The following SPTBN4 variants were observed in gnomAD, a reference collection of about 807,000 sequenced individuals.
SPTBN4 encodes spectrin beta chain, non-erythrocytic 4.
A neutral mutation model predicts 277.8 loss-of-function variants in SPTBN4; 96 were observed. The ratio of observed to expected loss-of-function variants is 0.35; its 90% CI spans 0.29 to 0.41. The LOEUF is 0.41. Ranked by LOEUF, SPTBN4 falls within the 10% of genes least tolerant of loss-of-function variation. SPTBN4 has a pLI of 1.00. For synonymous variants in SPTBN4, 1,481 were observed against 1,580.3 expected, an observed-to-expected ratio of 0.94 and a Z score of 1.49; for missense variants, 3,006 against 3,595.7, an observed-to-expected ratio of 0.84 and a Z score of 4.19.
In SPTBN4 at chr19:40,560,753, G is replaced by A; in HGVS notation, c.5915+350G>A. On this transcript the variant is annotated intron_variant, in intron 27 of 35. Coordinates refer to ENST00000598249, the MANE Select transcript of SPTBN4 (RefSeq NM_020971.3). The surrounding 1 kb of genome is among the most constrained non-coding windows in gnomAD (Gnocchi z 5.2). Reference sequence around the variant, plus strand: ...TGGGTGAAGAATTCTAACAATTCCAGCATCTCAGTGGCTTCATTAGTGGGC... The same window carrying A: ...TGGGTGAAGAATTCTAACAATTCCAACATCTCAGTGGCTTCATTAGTGGGC... The A allele has an allele frequency of 7.6e-7, 1 of 1,318,876 alleles. No homozygotes were observed. The highest frequency in any genetic ancestry group is 9.7e-7 in the Non-Finnish European group (1 of 1,032,224). The allele number at this position is 1,318,876 out of a possible 1,614,324, so 81.7% of individuals were successfully genotyped here.
intron 6 of SPTBN4, 108 bp from the exon 7 acceptor site, chr19:40,497,381 C>T (rs531918185): frequency 2.9e-5 from 23 of 786,040 alleles, no homozygotes; most frequent in South Asian, 2.4e-4. Context: ...AGACTGTGCC[C>T]TTCTGCCCAT....
intron 20 of SPTBN4, among the ~76,000 whole-genome samples, chr19:40,542,692 C>T (rs1383618152): frequency 2.0e-5 from 3 of 151,690 alleles, no homozygotes; most frequent in Non-Finnish European, 4.4e-5. Flanking sequence ...TTTTTGTATC[C>T]AGCTCAGCAT....
intron 20 of SPTBN4, among the ~76,000 whole-genome samples, chr19:40,541,919 T>G (rs1165860): frequency 0.44 from 66,129 of 150,464 alleles, 15,190 homozygotes; most frequent in African/African-American, 0.49. Context: ...TTGTATTTTT[T>G]TATTTTTATT....
chr19:40,478,349 G>A (rs992453777), intron 2 of SPTBN4, among the ~76,000 whole-genome samples: 17 of 151,922 alleles, frequency 1.1e-4, no homozygotes, highest in Non-Finnish European at 1.3e-4. Context: ...TCCAGTTTGG[G>A]CAACAAAGCA....
chr19:40,516,537 G>A (rs1343071616), intron 15 of SPTBN4, among the ~76,000 whole-genome samples: 1 of 151,970 alleles, frequency 6.6e-6, no homozygotes, highest in African/African-American at 2.4e-5. Context: ...ACAACTCCTG[G>A]GCTCGGCTGG....
At position 40,572,153 on chromosome 19, in the gene SPTBN4, C is replaced by A; in HGVS notation, c.7454C>A (p.Ala2485Asp). The A allele has an allele frequency of 6.2e-7, 1 of 1,607,590 alleles. No homozygotes were observed. The highest frequency in any genetic ancestry group is 1.7e-5 in the Admixed American group (1 of 58,928). ...LSLHKATSEVASDYKKKKHVF... is the reference protein window; with the variant it reads ...LSLHKATSEVDSDYKKKKHVF... Reference sequence around the variant, plus strand: ...CTGCACAAGGCCACCAGCGAGGTGGCTAGTGACTACAAGAAAAAGAAGCAT... The same window carrying A: ...CTGCACAAGGCCACCAGCGAGGTGGATAGTGACTACAAGAAAAAGAAGCAT... Residue 2485 changes from alanine to aspartate, a missense_variant, in exon 34 of 36, where the codon GCT (alanine) becomes GAT (aspartate). Around this residue, in one of 5 missense-constraint regions of SPTBN4, gnomAD observed 630 missense variants for 677.6 expected, o/e 0.93. Transcript: ENST00000598249.
intron 18 of SPTBN4, chr19:40,530,584 G>A (rs111741904): frequency 0.5 from 494,342 of 979,602 alleles, 126,910 homozygotes; most frequent in Non-Finnish European, 0.52. Flanking sequence ...CGCCACTGCC[G>A]CTTCAGGTCT....
intron 2 of SPTBN4, among the ~76,000 whole-genome samples, chr19:40,484,744 G>A (rs761198735): frequency 4.0e-5 from 6 of 151,680 alleles, no homozygotes; most frequent in Non-Finnish European, 7.4e-5. Context: ...TGGCTAACAT[G>A]GTGAAACCCC....
chr19:40,529,254 A>C, intron 18 of SPTBN4, 123 bp downstream of exon 18: 1 of 921,094 alleles, frequency 1.1e-6, no homozygotes, highest in Non-Finnish European at 1.7e-6. Context: ...GCTCGCTCTA[A>C]GCCGCCAGGG....
Position 40,554,528 on chromosome 19 carries a change from A to T in SPTBN4, c.4966A>T (p.Thr1656Ser). The change falls in exon 24 of 36, where the codon ACC becomes TCC. Residue 1656 changes from threonine (T) to serine (S), a missense_variant. Coordinates refer to ENST00000598249, the MANE Select transcript of SPTBN4 (RefSeq NM_020971.3). This position sits in a 1 kb window ranked among gnomAD's most constrained non-coding sequence, Gnocchi z 5.7. ...TTTGTGCCCCCAGGACGAACAGAGC[A>T]CCCTGCAGCTGCTCAAGAAACACCT... The part of the protein sequence containing the change: ...SEDKGKDEQS[T>S]LQLLKKHLQL... The T allele has an allele frequency of 6.7e-7, 1 of 1,481,720 alleles. No homozygotes were observed. The highest frequency in any genetic ancestry group is 9.0e-7 in the Non-Finnish European group (1 of 1,112,246). 91.8% of individuals were successfully genotyped at this position (1,481,720 alleles called of 1,614,324 possible).
rs1205030272 is a variant in SPTBN4 at position 40,529,969 on chromosome 19, C to G, written c.3948+838C>G. 8.5e-5 allele frequency among the ~76,000 whole-genome samples: 13 copies of G among 152,124 alleles called. No homozygotes were observed. In the South Asian group the frequency reaches 1.9e-3, roughly 22 times the overall value. On this transcript the variant is annotated intron_variant, in intron 18 of 35. Coordinates refer to ENST00000598249, the MANE Select transcript of SPTBN4 (RefSeq NM_020971.3). ...TGTTGAACACCCATGGGAGATTGTT[C>G]TCTCCGCACACGGAATAAACAAGGG... is the stretch of plus-strand genomic sequence containing the variant.
At position 40,512,827 on chromosome 19, in the gene SPTBN4, G is replaced by A; in HGVS notation, c.2038G>A (p.Gly680Ser). Residue 680 changes from glycine (G) to serine (S), a missense_variant, in exon 14 of 36, where the codon GGC (glycine) becomes AGC (serine). By Grantham distance (56) the Gly-to-Ser change is moderately conservative. This residue lies in a region of SPTBN4 where 1,759 missense variants were observed against 2,061.5 expected (regional missense o/e 0.85). Transcript: ENST00000598249. ...AGGGGAAGAAGAAGTAGGAHD... is the reference protein window; with the variant it reads ...AGGGGAAGAASAAGTAGGAHD... ...CGGCGGCGGTGCGGCGGGCGCAGCG[G>A]GCGCAGCGGGAACAGCGGGCGGCGC... The A allele has an allele frequency of 1.4e-6, 2 of 1,452,488 alleles. No individual in the cohort carries two copies. Among genetic ancestry groups the A allele is most frequent in the Non-Finnish European group, 9.0e-7 (1 of 1,115,692 alleles). 90.0% of individuals were successfully genotyped at this position (1,452,488 alleles called of 1,614,324 possible). A position where few individuals can be genotyped will look rare whatever the true frequency, so the allele number is the denominator to read the frequency against.
chr19:40,572,488 A>C, intron 35 of SPTBN4, 108 bp downstream of exon 35: 1 of 1,387,094 alleles, frequency 7.2e-7, no homozygotes, highest in Non-Finnish European at 1.0e-6. Context: ...CACAGGCCAG[A>C]GTTATCAGGG....
intron 22 of SPTBN4, 132 bp downstream of exon 22, chr19:40,550,459 A>G: frequency 4.0e-6 from 3 of 749,672 alleles, no homozygotes; most frequent in Non-Finnish European, 6.5e-6. Flanking sequence ...CAGCAGATAC[A>G]GATGTATCCA....
At chr19:40,540,279 T>C (rs2080785002) in intron 20 of SPTBN4, among the ~76,000 whole-genome samples, 1 of 152,182 alleles carries the variant, frequency 6.6e-6, no homozygotes, top group Admixed American at 6.6e-5. Flanking sequence ...ATCACTCTAC[T>C]GTTTTCAAAA....
rs1354012598 is a variant in SPTBN4, at chr19:40,534,081, A to C, written c.4097A>C (p.Glu1366Ala). The C allele has an allele frequency of 1.9e-6, 3 of 1,599,886 alleles. No individual in the cohort carries two copies. The African/African-American group carries it at 4.0e-5, about 21-fold the overall frequency. Residue 1366 changes from glutamate (E) to alanine (A), a missense_variant and splice_region_variant, in exon 20 of 36, where the codon GAG (glutamate) becomes GCG (alanine). By Grantham distance (107) the Glu-to-Ala change is moderately radical. Transcript: ENST00000598249. The part of the protein sequence containing the change: ...NKEWLEKIER[E>A]GQQLMQEKPE... ...CTGCCATCCACCCACTTGGGGCAGG[A>C]GGGCCAGCAACTGATGCAGGAGAAG...
chr19:40,522,117 A>G (rs957749998), intron 16 of SPTBN4, among the ~76,000 whole-genome samples: 3 of 151,886 alleles, frequency 2.0e-5, no homozygotes, highest in Non-Finnish European at 4.4e-5. Context: ...GCCTTGATCT[A>G]TGGGGCTCAA....
At chr19:40,481,468 G>T (rs1250364813) in intron 2 of SPTBN4, among the ~76,000 whole-genome samples, 1 of 151,950 alleles carries the variant, frequency 6.6e-6, no homozygotes, top group East Asian at 1.9e-4. Flanking sequence ...CGATGGTCAG[G>T]TTTTTTGTTT....
At position 40,567,247 on chromosome 19, in the gene SPTBN4, A is replaced by G. The variant is rs1485226927; in HGVS notation, c.6337-416A>G. Reference sequence around the variant, plus strand: ...CTGGAGGTCAAGGCTGCAATGAGCTATGATCTTGCTGCTTGCACTCCAGCC... The same window carrying G: ...CTGGAGGTCAAGGCTGCAATGAGCTGTGATCTTGCTGCTTGCACTCCAGCC... On this transcript the variant is annotated intron_variant, in intron 30 of 35. Transcript: ENST00000598249. 6.6e-5 allele frequency: 23 copies of G among 349,228 alleles called. 1 individual carries two copies. Among genetic ancestry groups the G allele is most frequent in the South Asian group, 4.9e-4 (23 of 46,882 alleles). The allele number at this position is 349,228 out of a possible 1,614,324, so 21.6% of individuals were successfully genotyped here. A position where few individuals can be genotyped will look rare whatever the true frequency, so the allele number is the denominator to read the frequency against.
Sources: allele counts gnomAD v4.1 joint callset (sites outside exome capture counted in the v4.1 genomes callset), GRCh38; gene constraint gnomAD v4.1.1; regional missense constraint gnomAD v4.1.1; non-coding constraint Gnocchi (gnomAD v3.1); transcripts MANE v1.5; gene names NCBI Gene and HGNC (gene_info 2026-07-23, HGNC 2026-07-21).